The following TRHDE variants were observed in gnomAD, a reference collection of about 807,000 sequenced individuals.
TRHDE encodes the protein thyrotropin-releasing hormone-degrading ectoenzyme.
In TRHDE, 72 loss-of-function variants were observed where a neutral mutation model predicts 125.7. The ratio of observed to expected loss-of-function variants is 0.57; its 90% confidence interval spans 0.47 to 0.70. The LOEUF (loss-of-function observed/expected upper bound fraction) is 0.70, where lower values mean the gene tolerates loss of function less well. Ranked by LOEUF, TRHDE falls within the 30% of genes least tolerant of loss-of-function variation. The pLI is 0.00. For synonymous variants in TRHDE, 509 were observed against 509.1 expected (o/e 1.00, Z 0.00); for missense variants, 1,110 against 1,327.1 (o/e 0.84, Z 2.54).
chr12:72,502,021 C>T (rs1878177658), intron 6 of TRHDE, among the ~76,000 whole-genome samples: 2 of 152,050 alleles, frequency 1.3e-5, no homozygotes, highest in South Asian at 4.2e-4. Context: ...ATCATATAAC[C>T]TCTTTCATTC....
intron 2 of TRHDE, among the ~76,000 whole-genome samples, chr12:72,190,727 CT>C (rs1328343071): frequency 6.6e-6 from 1 of 152,160 alleles, no homozygotes; most frequent in Non-Finnish European, 1.5e-5. Flanking sequence ...TATATCTTTC[CT>C]GGCCACACCA....
intron 2 of TRHDE, among the ~76,000 whole-genome samples, chr12:72,361,098 C>G (rs750515192): frequency 1.3e-5 from 2 of 151,710 alleles, no homozygotes; most frequent in Admixed American, 6.6e-5. Context: ...TCTGTTCCTG[C>G]GCTAGTTTGC....
At chr12:72,634,720 C>T (rs1873654605) in intron 15 of TRHDE, among the ~76,000 whole-genome samples, 1 of 142,236 alleles carries the variant, frequency 7.0e-6, no homozygotes. Flanking sequence ...TCTCATTGTT[C>T]AATTCCCACC....
At chr12:72,377,124 A>G (rs796757616) in intron 2 of TRHDE, among the ~76,000 whole-genome samples, 3 of 152,296 alleles carry the variant, frequency 2.0e-5, no homozygotes, top group African/African-American at 7.2e-5. Flanking sequence ...TCCACAAAAT[A>G]CATATTTCTT....
At chr12:72,321,600 T>G (rs149299907) in intron 2 of TRHDE, among the ~76,000 whole-genome samples, 42 of 152,266 alleles carry the variant, frequency 2.8e-4, no homozygotes, top group African/African-American at 9.9e-4. Flanking sequence ...GTGCGTTTAT[T>G]TTACCAAGCA....
At chr12:72,290,082 T>A (rs546202072) in intron 2 of TRHDE, among the ~76,000 whole-genome samples, 2 of 152,308 alleles carry the variant, frequency 1.3e-5, no homozygotes, top group Admixed American at 6.5e-5. Flanking sequence ...GAAAATAAGT[T>A]CAAGACTAGT....
chr12:72,273,637 C>T lies in TRHDE; in HGVS notation c.914+80C>T. 1 of 1,386,282 alleles carries T rather than the reference C, an allele frequency of 7.2e-7. No individual in the cohort carries two copies. The highest frequency in any genetic ancestry group is 9.8e-7 in the Non-Finnish European group (1 of 1,025,148). The allele number at this position is 1,386,282 out of a possible 1,614,324, so 85.9% of individuals were successfully genotyped here. On this transcript the variant is annotated intron_variant, in intron 1 of 18. Transcript: ENST00000261180. The surrounding 1 kb of genome is among the most constrained non-coding windows in gnomAD (Gnocchi z 5.3). ...TCTGGGCGGCCTGCGACCCCGGGGACCCAGCTGGCTTCCAATACCCGGGAA... is the reference window on the plus strand; with the variant it reads ...TCTGGGCGGCCTGCGACCCCGGGGATCCAGCTGGCTTCCAATACCCGGGAA...
intron 6 of TRHDE, among the ~76,000 whole-genome samples, chr12:72,520,504 G>A (rs112737559): frequency 3.2e-3 from 474 of 149,790 alleles, no homozygotes; most frequent in Admixed American, 7.3e-3. Flanking sequence ...TTCTGCTTGC[G>A]CACGGTGCGC....
intron 12 of TRHDE, among the ~76,000 whole-genome samples, chr12:72,605,982 G>T (rs1872425541): frequency 6.6e-6 from 1 of 152,086 alleles, no homozygotes; most frequent in South Asian, 2.1e-4. Flanking sequence ...TCCTTCTTAT[G>T]TTGTACAATC....
At chr12:72,591,929 T>C (rs550974329) in intron 12 of TRHDE, among the ~76,000 whole-genome samples, 2 of 152,204 alleles carry the variant, frequency 1.3e-5, no homozygotes, top group African/African-American at 4.8e-5. Flanking sequence ...TTTTTATCTT[T>C]GACTTTTGAC....
intron 6 of TRHDE, among the ~76,000 whole-genome samples, chr12:72,534,498 T>C (rs1229116569): frequency 6.6e-6 from 1 of 152,090 alleles, no homozygotes; most frequent in Non-Finnish European, 1.5e-5. Context: ...ACGGTCCCAG[T>C]GAAAGATATA....
chr12:72,620,105 T>G (rs893989477), intron 13 of TRHDE, among the ~76,000 whole-genome samples: 1 of 152,098 alleles, frequency 6.6e-6, no homozygotes, highest in Non-Finnish European at 1.5e-5. Context: ...GATTACACAT[T>G]AATTTCTCCC....
chr12:72,138,413 A>AG (rs1282166431), intron 2 of TRHDE, among the ~76,000 whole-genome samples: 9 of 152,114 alleles, frequency 5.9e-5, no homozygotes, highest in Non-Finnish European at 2.9e-5. Context: ...AAACAAAACA[A>AG]AGCAACAAAT....
intron 2 of TRHDE, among the ~76,000 whole-genome samples, chr12:72,109,650 G>T (rs1875272072): frequency 3.7e-5 from 2 of 53,450 alleles, no homozygotes; most frequent in Non-Finnish European, 1.0e-4. Context: ...AAAACAAAAG[G>T]TGAAAGGAAA....
chr12:72,099,279 T>C (rs1010010066), intron 1 of TRHDE, among the ~76,000 whole-genome samples: 1 of 152,242 alleles, frequency 6.6e-6, no homozygotes, highest in Non-Finnish European at 1.5e-5. Context: ...AGTGGTGTGC[T>C]ACTGTGACTG....
At chr12:72,089,918 T>C (rs1874752698) in intron 1 of TRHDE, among the ~76,000 whole-genome samples, 1 of 152,186 alleles carries the variant, frequency 6.6e-6, no homozygotes, top group Non-Finnish European at 1.5e-5. Context: ...GTTGAGTAAA[T>C]AAAACAATGA....
At position 72,480,348 on chromosome 12, in the gene TRHDE, T is replaced by C. The variant is rs543423974; in HGVS notation, c.1584+7168T>C. 3.1e-3 allele frequency among the ~76,000 whole-genome samples: 475 copies of C among 151,814 alleles called. 2 individuals are homozygous for C. Among genetic ancestry groups the C allele is most frequent in the African/African-American group, 0.011 (450 of 41,356 alleles). Reference sequence around the variant, plus strand: ...TGTTGTTTCCTGACTTTTTAATGATTGCCATTCTAACTGGTGTGAGATGGT... The same window carrying C: ...TGTTGTTTCCTGACTTTTTAATGATCGCCATTCTAACTGGTGTGAGATGGT... On this transcript the variant is annotated intron_variant, in intron 5 of 18. Coordinates refer to ENST00000261180, the MANE Select transcript of TRHDE (RefSeq NM_013381.3).
chr12:72,258,991 T>C (rs1230193379), intron 2 of TRHDE, among the ~76,000 whole-genome samples: 2 of 152,168 alleles, frequency 1.3e-5, no homozygotes, highest in Non-Finnish European at 2.9e-5. Context: ...GTCTGTTAGG[T>C]TTCTCCACTA....
At chr12:72,339,221 CA>C (rs1424987444) in intron 2 of TRHDE, among the ~76,000 whole-genome samples, 2 of 152,152 alleles carry the variant, frequency 1.3e-5, no homozygotes, top group East Asian at 3.9e-4. Flanking sequence ...AGCTCTTACA[CA>C]GTTTAATTTC....
Sources: gnomAD v4.1 joint callset for allele counts (sites outside exome capture counted in the v4.1 genomes callset) on GRCh38, gnomAD v4.1.1 for gene constraint, Gnocchi (gnomAD v3.1) non-coding constraint, MANE v1.5 for transcripts, NCBI Gene and HGNC (gene_info 2026-07-23, HGNC 2026-07-21) for gene names.